THSD7A: variants seen among roughly 807,000 people sequenced by gnomAD.
THSD7A encodes the protein thrombospondin type-1 domain-containing protein 7A.
THSD7A carries 96 observed loss-of-function variants against 231.3 expected under a neutral mutation model. The observed-to-expected ratio is 0.41, with a 90% CI of 0.35 to 0.49. THSD7A has a LOEUF of 0.49. Among genes scored for constraint, THSD7A ranks in the 20% least tolerant of loss-of-function variants. The probability of loss-of-function intolerance (pLI) is 0.05; values close to 1 mark genes in which losing one functional copy is unlikely to be tolerated. For synonymous variants in THSD7A, 940 were observed against 743.3 expected, an observed-to-expected ratio of 1.26 and a Z score of -4.30; for missense variants, 2,290 against 2,070.2, an observed-to-expected ratio of 1.11 and a Z score of -2.06.
At chr7:11,739,555 T>C (rs1782034165) in intron 1 of THSD7A, among the ~76,000 whole-genome samples, 1 of 151,934 alleles carries the variant, frequency 6.6e-6, no homozygotes. Context: ...TAAAACATCA[T>C]CATCTCTTTC....
chr7:11,529,756 T>G (rs142609976), intron 6 of THSD7A, among the ~76,000 whole-genome samples: 2 of 152,330 alleles, frequency 1.3e-5, no homozygotes, highest in East Asian at 1.9e-4. Context: ...CAGTCTCAGA[T>G]AGTATCTTTA....
At chr7:11,616,314 A>T (rs2128350905) in intron 2 of THSD7A, among the ~76,000 whole-genome samples, 1 of 152,228 alleles carries the variant, frequency 6.6e-6, no homozygotes, top group Non-Finnish European at 1.5e-5. Context: ...TGCACCTAAA[A>T]TTTCATTCAG....
intron 4 of THSD7A, among the ~76,000 whole-genome samples, chr7:11,578,582 G>A (rs1184049403): frequency 6.6e-6 from 1 of 152,170 alleles, no homozygotes; most frequent in Non-Finnish European, 1.5e-5. Context: ...ATCTTGGGAA[G>A]TTGGCATGAA....
chr7:11,451,242 C>A (rs566563412), intron 11 of THSD7A, among the ~76,000 whole-genome samples: 1 of 152,054 alleles, frequency 6.6e-6, no homozygotes, highest in South Asian at 2.1e-4. Flanking sequence ...AACGTGGAGA[C>A]CTTTTGGAAC....
chr7:11,600,716 C>T (rs1780521104), intron 2 of THSD7A, among the ~76,000 whole-genome samples: 1 of 152,202 alleles, frequency 6.6e-6, no homozygotes, highest in South Asian at 2.1e-4. Flanking sequence ...TCTTCTGCCT[C>T]ATCATTCAGT....
chr7:11,394,393 C>T (rs1783101040), intron 23 of THSD7A, among the ~76,000 whole-genome samples: 1 of 152,146 alleles, frequency 6.6e-6, no homozygotes, highest in Admixed American at 6.6e-5. Context: ...GTACCAGCCA[C>T]TGCAAACATG....
At chr7:11,609,569 T>C (rs528460855) in intron 2 of THSD7A, among the ~76,000 whole-genome samples, 1 of 152,232 alleles carries the variant, frequency 6.6e-6, no homozygotes, top group African/African-American at 2.4e-5. Flanking sequence ...AATTCCTAAA[T>C]ATTATTGTTG....
At chr7:11,731,917 C>T (rs1321670500) in intron 1 of THSD7A, among the ~76,000 whole-genome samples, 1 of 151,608 alleles carries the variant, frequency 6.6e-6, no homozygotes, top group Non-Finnish European at 1.5e-5. Flanking sequence ...TACAGAACCC[C>T]AAGTCCAGCT....
At chr7:11,813,580 G>A (rs756931337) in intron 1 of THSD7A, among the ~76,000 whole-genome samples, 112 of 151,998 alleles carry the variant, frequency 7.4e-4, no homozygotes, top group Non-Finnish European at 1.1e-3. Context: ...GGGCATGGTG[G>A]CACACGCCTG....
chr7:11,528,331 A>G (rs1228917541), intron 6 of THSD7A, among the ~76,000 whole-genome samples: 1 of 152,162 alleles, frequency 6.6e-6, no homozygotes, highest in African/African-American at 2.4e-5. Flanking sequence ...TTATTTCTGT[A>G]CAAGCTCTTG....
At chr7:11,607,371 T>C (rs1369166579) in intron 2 of THSD7A, among the ~76,000 whole-genome samples, 3 of 152,140 alleles carry the variant, frequency 2.0e-5, no homozygotes, top group Non-Finnish European at 4.4e-5. Context: ...TTGAATTACA[T>C]GACCCTGAGT....
At position 11,734,580 on chromosome 7, in the gene THSD7A, C is replaced by G. The variant is rs535153971; in HGVS notation, c.190+97177G>C. On this transcript the variant is annotated intron_variant, in intron 1 of 27. Coordinates refer to ENST00000423059, the MANE Select transcript of THSD7A (RefSeq NM_015204.3). ...TAATTAATTCTTTGCTATTTTCCAA[C>G]CTGACATGTCGTATCTCGCTCTCTC... Among the ~76,000 whole-genome samples, 18 of 152,024 alleles carry G rather than the reference C, an allele frequency of 1.2e-4. No homozygotes were observed. In the South Asian group the frequency reaches 3.7e-3, roughly 32 times the overall value.
At chr7:11,810,711 C>T (rs138944329) in intron 1 of THSD7A, among the ~76,000 whole-genome samples, 2 of 152,228 alleles carry the variant, frequency 1.3e-5, no homozygotes, top group East Asian at 1.9e-4. Flanking sequence ...ATAGGAGAAA[C>T]ACCATACACA....
chr7:11,806,995 A>T (rs1562568891), intron 1 of THSD7A, among the ~76,000 whole-genome samples: 1 of 149,670 alleles, frequency 6.7e-6, no homozygotes, highest in Non-Finnish European at 1.5e-5. Context: ...TCTCTCTCTA[A>T]ATATATATAT....
At position 11,634,592 on chromosome 7, in the gene THSD7A, T is replaced by TACAC. The variant is rs55951004; in HGVS notation, c.1022+1534_1022+1537dup. On this transcript the variant is annotated intron_variant, in intron 2 of 27. Coordinates refer to ENST00000423059, the MANE Select transcript of THSD7A (RefSeq NM_015204.3). This position sits in a 1 kb window ranked among gnomAD's most constrained non-coding sequence, Gnocchi z 4.1. Reference sequence around the variant, plus strand: ...AATATACATGATACAGAATCAGAGGTACACACACACACACACACATACACA... The same window carrying TACAC: ...AATATACATGATACAGAATCAGAGGTACACACACACACACACACACACATACACA... 2.7e-5 allele frequency among the ~76,000 whole-genome samples: 4 copies of TACAC among 148,720 alleles called. No homozygotes were observed. Among genetic ancestry groups the TACAC allele is most frequent in the African/African-American group, 9.8e-5 (4 of 40,840 alleles).
intron 4 of THSD7A, among the ~76,000 whole-genome samples, chr7:11,577,720 C>G (rs989959951): frequency 6.6e-6 from 1 of 151,502 alleles, no homozygotes; most frequent in Admixed American, 6.6e-5. Context: ...CATTTTAGAT[C>G]CCCAGAAATC....
intron 2 of THSD7A, among the ~76,000 whole-genome samples, chr7:11,629,835 A>G (rs577086264): frequency 2.0e-5 from 3 of 152,182 alleles, no homozygotes; most frequent in Non-Finnish European, 4.4e-5. Context: ...AATTTTAGGT[A>G]TGGTGTTTGT....
rs957340653 is a variant in THSD7A, at chr7:11,474,858, C to A, written c.2018-290G>T. The stretch of plus-strand genomic sequence containing the variant: ...GATAGAATGAAATAATTATATTGTG[C>A]GGTATTTAGTATAACTGGGATTCAA... On this transcript the variant is annotated intron_variant, in intron 7 of 27. Transcript: ENST00000423059. The surrounding 1 kb of genome is among the most constrained non-coding windows in gnomAD (Gnocchi z 4.1). 6.6e-6 allele frequency among the ~76,000 whole-genome samples: 1 copy of A among 151,896 alleles called. No individual in the cohort carries two copies. The highest frequency in any genetic ancestry group is 1.5e-5 in the Non-Finnish European group (1 of 67,990).
intron 1 of THSD7A, among the ~76,000 whole-genome samples, chr7:11,745,622 C>T (rs1219377610): frequency 9.2e-5 from 14 of 151,786 alleles, no homozygotes; most frequent in African/African-American, 2.7e-4. Flanking sequence ...AATTTTTGTA[C>T]AAGGTGTAAG....
Sources: allele counts gnomAD v4.1 joint callset (sites outside exome capture counted in the v4.1 genomes callset), GRCh38; gene constraint gnomAD v4.1.1; non-coding constraint Gnocchi (gnomAD v3.1); transcripts MANE v1.5; gene names NCBI Gene and HGNC (gene_info 2026-07-23, HGNC 2026-07-21).